The following PARD3 variants were observed in gnomAD, a reference collection of about 807,000 sequenced individuals.
PARD3 encodes par-3 family cell polarity regulator.
PARD3 carries 75 observed loss-of-function variants against 155.4 expected under a neutral mutation model. The ratio of observed to expected loss-of-function variants is 0.48; its 90% CI spans 0.40 to 0.58. The LOEUF (loss-of-function observed/expected upper bound fraction) is 0.58. Ranked by LOEUF, PARD3 falls within the 20% of genes least tolerant of loss-of-function variation. The probability of loss-of-function intolerance (pLI) is 0.00; values close to 1 mark genes in which losing one functional copy is unlikely to be tolerated. For missense variants in PARD3, 1,642 were observed against 1,721.7 expected (o/e 0.95, Z 0.82); for synonymous variants, 576 against 610.5 (o/e 0.94, Z 0.83).
At chr10:34,263,387 T>C (rs554506285) in intron 22 of PARD3, among the ~76,000 whole-genome samples, 139 of 152,118 alleles carry the variant, frequency 9.1e-4, no homozygotes, top group Non-Finnish European at 1.7e-3. Context: ...AAGAGCACGG[T>C]GGCTCACGCC....
At chr10:34,126,052 T>C (rs529612951) in intron 23 of PARD3, among the ~76,000 whole-genome samples, 1 of 152,352 alleles carries the variant, frequency 6.6e-6, no homozygotes, top group East Asian at 1.9e-4. Flanking sequence ...TGTTCCATTA[T>C]CTTAAGAAAG....
At chr10:34,674,192 G>A (rs892354525) in intron 2 of PARD3, among the ~76,000 whole-genome samples, 3 of 152,090 alleles carry the variant, frequency 2.0e-5, no homozygotes, top group South Asian at 2.1e-4. Flanking sequence ...TACAAAGAAC[G>A]ACTGTATAAA....
chr10:34,525,106 G>A (rs1232225146), intron 2 of PARD3, among the ~76,000 whole-genome samples: 2 of 152,116 alleles, frequency 1.3e-5, no homozygotes, highest in Non-Finnish European at 2.9e-5. Flanking sequence ...TGTTTAACTG[G>A]ACGAGTAAGC....
At chr10:34,306,444 G>A (rs1384753497) in intron 20 of PARD3, among the ~76,000 whole-genome samples, 2 of 152,094 alleles carry the variant, frequency 1.3e-5, no homozygotes, top group Non-Finnish European at 2.9e-5. Context: ...AAGGTCAGGA[G>A]TTTGAGACCA....
At chr10:34,434,921 G>A (rs1046032407) in intron 5 of PARD3, among the ~76,000 whole-genome samples, 1 of 152,064 alleles carries the variant, frequency 6.6e-6, no homozygotes, top group Admixed American at 6.6e-5. Flanking sequence ...ACGAGGCTTT[G>A]CTATGAGCTG....
chr10:34,339,826 T>C (rs1247573970), intron 16 of PARD3, among the ~76,000 whole-genome samples: 1 of 152,180 alleles, frequency 6.6e-6, no homozygotes, highest in African/African-American at 2.4e-5. Context: ...ATATTCCCAC[T>C]AAACTTATTT....
In PARD3 at chr10:34,622,819, C is replaced by CTTT. The variant is rs1391152056; in HGVS notation, c.222+73496_222+73498dup. Among the ~76,000 whole-genome samples, 571 of 129,676 alleles carry CTTT rather than the reference C, an allele frequency of 4.4e-3. 10 individuals are homozygous for CTTT. The highest frequency in any genetic ancestry group is 0.016 in the African/African-American group (543 of 34,898). The allele number at this position is 129,676 out of a possible 152,430, so 85.1% of individuals were successfully genotyped here. On this transcript the variant is annotated intron_variant, in intron 2 of 24. Coordinates refer to ENST00000374788, the MANE Select transcript of PARD3 (RefSeq NM_001184785.2). ...GACTTACATTGCCTGAGTTGGTTTT[C>CTTT]TTTTTTTCTTTTTTTTTTTTTTTTT...
intron 5 of PARD3, among the ~76,000 whole-genome samples, chr10:34,411,419 C>T (rs886583470): frequency 4.6e-5 from 7 of 151,982 alleles, no homozygotes; most frequent in Non-Finnish European, 8.8e-5. Context: ...TGAGAAAAGC[C>T]CAGTGTCCTC....
intron 22 of PARD3, among the ~76,000 whole-genome samples, chr10:34,196,662 C>T (rs1421530680): frequency 2.0e-5 from 3 of 149,722 alleles, no homozygotes; most frequent in Non-Finnish European, 4.4e-5. Flanking sequence ...CAAGCTCTGC[C>T]TCCTGGGTTC....
At chr10:34,234,184 A>C (rs1329663345) in intron 22 of PARD3, among the ~76,000 whole-genome samples, 1 of 152,172 alleles carries the variant, frequency 6.6e-6, no homozygotes, top group Non-Finnish European at 1.5e-5. Context: ...TTCTGATATA[A>C]CTACTGATAC....
chr10:34,673,481 A>C (rs2093644499), intron 2 of PARD3, among the ~76,000 whole-genome samples: 1 of 152,248 alleles, frequency 6.6e-6, no homozygotes, highest in African/African-American at 2.4e-5. Flanking sequence ...AAAGGAAGCC[A>C]GAACACACAA....
chr10:34,597,429 C>CTAT (rs1215436021), intron 2 of PARD3, among the ~76,000 whole-genome samples: 1 of 151,130 alleles, frequency 6.6e-6, no homozygotes, highest in Non-Finnish European at 1.5e-5. Flanking sequence ...TATTTATTTA[C>CTAT]TATTATTATT....
chr10:34,189,366 A>T (rs919178518), intron 22 of PARD3, among the ~76,000 whole-genome samples: 4 of 152,184 alleles, frequency 2.6e-5, no homozygotes, highest in African/African-American at 7.2e-5. Context: ...TGCTGCTAAG[A>T]CATTTCTTTC....
At chr10:34,779,630 A>G (rs549237139) in intron 1 of PARD3, among the ~76,000 whole-genome samples, 1 of 152,332 alleles carries the variant, frequency 6.6e-6, no homozygotes, top group Admixed American at 6.5e-5. Flanking sequence ...CAAAAATAAA[A>G]TAAAATAAAG....
chr10:34,686,507 G>A (rs1021133280), intron 2 of PARD3, among the ~76,000 whole-genome samples: 2 of 151,968 alleles, frequency 1.3e-5, no homozygotes, highest in East Asian at 3.9e-4. Flanking sequence ...AGGCCGAGGC[G>A]GGTGGATGAA....
intron 24 of PARD3, 109 bp downstream of exon 24, chr10:34,119,504 A>T: frequency 1.8e-6 from 2 of 1,136,464 alleles, no homozygotes; most frequent in Non-Finnish European, 2.4e-6. Flanking sequence ...TGTTGCTACC[A>T]GGGGCAAGCT....
At chr10:34,357,757 A>G (rs1375577141) in intron 14 of PARD3, among the ~76,000 whole-genome samples, 1 of 152,166 alleles carries the variant, frequency 6.6e-6, no homozygotes, top group Non-Finnish European at 1.5e-5. Context: ...TGTTCTCTTG[A>G]TATCGCAATT....
intron 7 of PARD3, among the ~76,000 whole-genome samples, chr10:34,388,250 A>G (rs1160500208): frequency 6.6e-6 from 1 of 152,226 alleles, no homozygotes; most frequent in African/African-American, 2.4e-5. Flanking sequence ...ATTCTCTCAA[A>G]AAGAATGGAT....
rs114560512 is a variant in PARD3, at chr10:34,162,326, T to C, written c.3420-30743A>G. The stretch of plus-strand genomic sequence containing the variant: ...GTATTCAACTGTTAAGGGGGGCAAC[T>C]GGCAACCTGCTTTCAGGATCCCTCT... On this transcript the variant is annotated intron_variant, in intron 22 of 24. Transcript: ENST00000374788. 3.3e-3 allele frequency among the ~76,000 whole-genome samples: 504 copies of C among 152,300 alleles called. 5 individuals are homozygous for C. Among genetic ancestry groups the C allele is most frequent in the African/African-American group, 0.012 (484 of 41,576 alleles).
Sources: gnomAD v4.1 joint callset for allele counts (sites outside exome capture counted in the v4.1 genomes callset) on GRCh38, gnomAD v4.1.1 for gene constraint, MANE v1.5 for transcripts, NCBI Gene and HGNC (gene_info 2026-07-23, HGNC 2026-07-21) for gene names.